Variants in NUMBL observed in about 807,000 individuals in gnomAD.
NUMBL encodes numb-like protein.
Under a neutral mutation model 48.9 loss-of-function variants are expected in NUMBL, and 20 were observed. The observed-to-expected ratio is 0.41, with a 90% CI of 0.29 to 0.59. NUMBL has a LOEUF of 0.59. NUMBL is among the 20% of genes least tolerant of loss of function. The pLI, the probability that NUMBL is intolerant of heterozygous loss-of-function variation, is 0.31. For synonymous variants in NUMBL, 340 were observed against 348.7 expected (o/e 0.98, Z 0.28); for missense variants, 660 against 846.2 (o/e 0.78, Z 2.73).
intron 8 of NUMBL, 71 bp from the exon 9 acceptor site, chr19:40,670,091 C>T (rs149436869): frequency 0.015 from 22,689 of 1,548,436 alleles, 189 homozygotes; most frequent in Middle Eastern, 0.022. Flanking sequence ...CTCTACCCCC[C>T]GCCCTCGGTG....
In NUMBL at chr19:40,684,530, G is replaced by T. The variant is rs774366858; in HGVS notation, c.136C>A (p.Arg46=). 3.7e-6 allele frequency: 6 copies of T among 1,609,820 alleles called. No individual in the cohort carries two copies. Among genetic ancestry groups the T allele is most frequent in the Non-Finnish European group, 5.1e-6 (6 of 1,178,004 alleles). ...PDGAGTMNKL[R]QSLRRRKPAY... Reference sequence around the variant, plus strand: ...GGCTTCCTCCGCCGCAGGCTCTGCCGTAACTTGTTCATGGTGCCCGCCCCG... The same window carrying T: ...GGCTTCCTCCGCCGCAGGCTCTGCCTTAACTTGTTCATGGTGCCCGCCCCG... The change falls in exon 3 of 10, where the codon CGG becomes AGG. Residue 46 remains arginine (R), a synonymous_variant. Transcript: ENST00000252891.
rs79278296 is a variant in NUMBL at position 40,678,710 on chromosome 19, G to A, written c.541-1289C>T. 6.6e-4 allele frequency among the ~76,000 whole-genome samples: 101 copies of A among 152,038 alleles called. No individual in the cohort carries two copies. In the East Asian group the frequency reaches 0.015, roughly 22 times the overall value. On this transcript the variant is annotated intron_variant, in intron 6 of 9. Coordinates refer to ENST00000252891, the MANE Select transcript of NUMBL (RefSeq NM_004756.5). Reference sequence around the variant, plus strand: ...CTGAACTAAGACAATCATATCTTTCGCTTTGAAGAAAAAAAAAATCTGGAA... The same window carrying A: ...CTGAACTAAGACAATCATATCTTTCACTTTGAAGAAAAAAAAAATCTGGAA...
At position 40,687,693 on chromosome 19, in the gene NUMBL, C is replaced by T. The variant is rs1315484755; in HGVS notation, c.25-698G>A. The stretch of plus-strand genomic sequence containing the variant: ...CTCAGGCACCCGCCCAAGATACTGA[C>T]GTCACAGGCCCACCCAGATAGAATC... On this transcript the variant is annotated intron_variant, in intron 1 of 9. Transcript: ENST00000252891. The surrounding 1 kb of genome is among the most constrained non-coding windows in gnomAD (Gnocchi z 4.6). Among the ~76,000 whole-genome samples the T allele has an allele frequency of 1.3e-5, 2 of 152,198 alleles. No individual in the cohort carries two copies. The highest frequency in any genetic ancestry group is 2.9e-5 in the Non-Finnish European group (2 of 68,026).
At chr19:40,683,404 C>T (rs927270957) in intron 3 of NUMBL, among the ~76,000 whole-genome samples, 3 of 152,210 alleles carry the variant, frequency 2.0e-5, no homozygotes, top group Admixed American at 6.5e-5. Context: ...ACTGTTGCCT[C>T]GAGTTTCCCA....
In NUMBL at chr19:40,688,894, A is replaced by C. The variant is rs1418223167; in HGVS notation, c.24+1566T>G. ...TAGATACAGTCATTTATATTAATAC[A>C]ACCTCAGTCACACACTCAGACATGG... On this transcript the variant is annotated intron_variant, in intron 1 of 9. Coordinates refer to ENST00000252891, the MANE Select transcript of NUMBL (RefSeq NM_004756.5). The surrounding 1 kb of genome is among the most constrained non-coding windows in gnomAD (Gnocchi z 4.6). Among the ~76,000 whole-genome samples, 1 of 152,214 alleles carries C rather than the reference A, an allele frequency of 6.6e-6. No individual in the cohort carries two copies. Among genetic ancestry groups the C allele is most frequent in the Non-Finnish European group, 1.5e-5 (1 of 68,028 alleles).
Position 40,678,857 on chromosome 19 carries a change from G to A in NUMBL, c.541-1436C>T, listed in dbSNP as rs539474158. 1.4e-4 allele frequency among the ~76,000 whole-genome samples: 22 copies of A among 152,282 alleles called. 1 individual carries two copies. The highest frequency in any genetic ancestry group is 6.8e-3 in the Middle Eastern group (2 of 294). ...CTCACACCTGTAATCCCAGGAGGCC[G>A]AGGCAGGCAAATCACTTGAGGCCAG... On this transcript the variant is annotated intron_variant, in intron 6 of 9. Transcript: ENST00000252891.
Position 40,682,926 on chromosome 19 carries a change from C to A in NUMBL, c.292G>T (p.Val98Leu). The change falls in exon 4 of 10, where the codon GTG becomes TTG. Residue 98 changes from valine to leucine, a missense_variant. Transcript: ENST00000252891. The surrounding 1 kb of genome is among the most constrained non-coding windows in gnomAD (Gnocchi z 4.0). ...AGCTTCTTCACCGCATCTTCACACA[C>A]GTGCATTCCCCGGGACTCCTCTACC... ...VEVEESRGMH[V>L]CEDAVKKLKA... 2.5e-6 allele frequency: 4 copies of A among 1,613,852 alleles called. No homozygotes were observed. Among genetic ancestry groups the A allele is most frequent in the Non-Finnish European group, 3.4e-6 (4 of 1,179,990 alleles).
rs550394668 is a variant in NUMBL, at chr19:40,686,704, T to A, written c.109+207A>T. Among the ~76,000 whole-genome samples the A allele has an allele frequency of 5.2e-3, 354 of 68,498 alleles. 2 individuals are homozygous for A. Among genetic ancestry groups the A allele is most frequent in the African/African-American group, 0.05 (334 of 6,704 alleles). 44.9% of individuals were successfully genotyped at this position (68,498 alleles called of 152,430 possible). ...AACCGTATATCTACAGATGTGAGTG[T>A]TTGTGACTCTGCACTTGAGGCTGTA... On this transcript the variant is annotated intron_variant, in intron 2 of 9. Coordinates refer to ENST00000252891, the MANE Select transcript of NUMBL (RefSeq NM_004756.5).
chr19:40,672,461 G>A (rs905653165), intron 8 of NUMBL, among the ~76,000 whole-genome samples: 15 of 152,116 alleles, frequency 9.9e-5, no homozygotes, highest in South Asian at 2.1e-4. Context: ...GCTCCTTTTC[G>A]TGATGGGTAC....
chr19:40,683,855 C>T (rs1001702131), intron 3 of NUMBL, among the ~76,000 whole-genome samples: 2 of 152,134 alleles, frequency 1.3e-5, no homozygotes, highest in African/African-American at 4.8e-5. Flanking sequence ...AGGCTCACTG[C>T]AGCCTCGACC....
In NUMBL at chr19:40,669,996, G is replaced by A. The variant is rs1599901618; in HGVS notation, c.1061C>T (p.Ala354Val). ...GTVPEMEPPG[A>V]GDSDSINALC... ...AGCGTTGATGCTGTCACTGTCGCCGGCACCAGGAGGCTCCATCTCAGGCAC... is the reference window on the plus strand; with the variant it reads ...AGCGTTGATGCTGTCACTGTCGCCGACACCAGGAGGCTCCATCTCAGGCAC... The change falls in exon 9 of 10, where the codon GCC becomes GTC. Residue 354 changes from alanine to valine, a missense_variant. This residue lies in a region of NUMBL where 296 missense variants were observed against 339.7 expected (regional missense o/e 0.87). Coordinates refer to ENST00000252891, the MANE Select transcript of NUMBL (RefSeq NM_004756.5). The A allele has an allele frequency of 6.2e-7, 1 of 1,613,804 alleles. No homozygotes were observed. Among genetic ancestry groups the A allele is most frequent in the South Asian group, 1.1e-5 (1 of 91,040 alleles).
intron 5 of NUMBL, among the ~76,000 whole-genome samples, chr19:40,681,424 T>C (rs2081904686): frequency 1.3e-5 from 2 of 152,088 alleles, no homozygotes; most frequent in Admixed American, 6.5e-5. Flanking sequence ...AGGAACAGTA[T>C]TTTGGGCTGA....
In NUMBL at chr19:40,666,889, A is replaced by G. The variant is rs1407973312; in HGVS notation, c.*579T>C. 1 of 153,366 alleles carries G rather than the reference A, an allele frequency of 6.5e-6. No individual in the cohort carries two copies. Among genetic ancestry groups the G allele is most frequent in the African/African-American group, 2.4e-5 (1 of 41,374 alleles). The allele number at this position is 153,366 out of a possible 1,614,324, so 9.5% of individuals were successfully genotyped here. A position where few individuals can be genotyped will look rare whatever the true frequency, so the allele number is the denominator to read the frequency against. On this transcript the variant is annotated 3_prime_UTR_variant, in exon 10 of 10. Transcript: ENST00000252891. ...CTCCCTCCCCGCCTCCTGGGCCCCC[A>G]ACTTGGCCCTAGCCCCCATGAGACC...
chr19:40,668,935 A>G (rs1298894251), intron 9 of NUMBL, among the ~76,000 whole-genome samples: 1 of 152,192 alleles, frequency 6.6e-6, no homozygotes, highest in Non-Finnish European at 1.5e-5. Context: ...TTCTACATTT[A>G]CAGTGTTTGA....
rs1231413092 is a variant in NUMBL, at chr19:40,687,602, G to GCCACATAC, written c.25-608_25-607insGTATGTGG. Among the ~76,000 whole-genome samples, 2 of 152,064 alleles carry GCCACATAC rather than the reference G, an allele frequency of 1.3e-5. No homozygotes were observed. Among genetic ancestry groups the GCCACATAC allele is most frequent in the East Asian group, 3.9e-4 (2 of 5,174 alleles). On this transcript the variant is annotated intron_variant, in intron 1 of 9. Transcript: ENST00000252891. This position sits in a 1 kb window ranked among gnomAD's most constrained non-coding sequence, Gnocchi z 4.6. ...TTCCACATTCTCAGCCACATACAAA[G>GCCACATAC]AACGGGGCCCAGACAACCCACTAGA... is the stretch of plus-strand genomic sequence containing the variant.
intron 8 of NUMBL, among the ~76,000 whole-genome samples, chr19:40,670,561 G>C (rs74495906): frequency 1.3e-5 from 2 of 151,894 alleles, no homozygotes; most frequent in African/African-American, 2.4e-5. Flanking sequence ...CTTGTGATGA[G>C]CAAAGGTACC....
Position 40,667,616 on chromosome 19 carries a change from G to T in NUMBL, c.1682C>A (p.Pro561His). The T allele has an allele frequency of 6.4e-7, 1 of 1,555,044 alleles. No individual in the cohort carries two copies. Among genetic ancestry groups the T allele is most frequent in the Non-Finnish European group, 8.7e-7 (1 of 1,149,434 alleles). ...SQARPRPNGA[P>H]WPPEPAPAPA... is the part of the protein sequence containing the mutation. ...GGCAGGCGCTGGCTCAGGGGGCCAG[G>T]GGGCCCCATTGGGGCGAGGGCGGGC... Residue 561 changes from proline to histidine, a missense_variant, in exon 10 of 10, where the codon CCC (proline) becomes CAC (histidine). Physicochemically the swap from Pro to His is moderately conservative, Grantham distance 77. This residue lies in a region of NUMBL where 296 missense variants were observed against 339.7 expected (regional missense o/e 0.87). Coordinates refer to ENST00000252891, the MANE Select transcript of NUMBL (RefSeq NM_004756.5). The surrounding 1 kb of genome is among the most constrained non-coding windows in gnomAD (Gnocchi z 6.1).
In NUMBL at chr19:40,673,368, T is replaced by C; in HGVS notation, c.1012A>G (p.Thr338Ala). 6.2e-7 allele frequency: 1 copy of C among 1,613,714 alleles called. No homozygotes were observed. The highest frequency in any genetic ancestry group is 8.5e-7 in the Non-Finnish European group (1 of 1,179,764). The part of the protein sequence containing the change: ...NELPSTLQRR[T>A]DFQVKGTVPE... Reference sequence around the variant, plus strand: ...CCTGTGCCCTTCACCTGGAAGTCAGTGCGGCGCTGCAGCGTGGATGGCAGC... The same window carrying C: ...CCTGTGCCCTTCACCTGGAAGTCAGCGCGGCGCTGCAGCGTGGATGGCAGC... Residue 338 changes from threonine to alanine, a missense_variant, in exon 8 of 10, where the codon ACT becomes GCT. Around this residue, in one of 3 missense-constraint regions of NUMBL, gnomAD observed 278 missense variants for 420.6 expected, o/e 0.66. Transcript: ENST00000252891. This position sits in a 1 kb window ranked among gnomAD's most constrained non-coding sequence, Gnocchi z 5.9.
rs1448977922 is a variant in NUMBL at position 40,677,353 on chromosome 19, C to T, written c.609G>A (p.Glu203=). 3 of 1,612,242 alleles carry T rather than the reference C, an allele frequency of 1.9e-6. No individual in the cohort carries two copies. The highest frequency in any genetic ancestry group is 2.5e-6 in the Non-Finnish European group (3 of 1,179,956). The part of the protein sequence containing the change: ...AACLERKQRR[E]KECGVTAAFD... ...AGGCGGCCGTGACCCCACATTCCTT[C>T]TCCCGTCGCTGTTTTCGCTCCAGGC... The change falls in exon 7 of 10, where the codon GAG becomes GAA. Residue 203 remains glutamate (E), a synonymous_variant. Transcript: ENST00000252891.
Sources: allele counts gnomAD v4.1 joint callset (sites outside exome capture counted in the v4.1 genomes callset), GRCh38; gene constraint gnomAD v4.1.1; regional missense constraint gnomAD v4.1.1; non-coding constraint Gnocchi (gnomAD v3.1); transcripts MANE v1.5; gene names NCBI Gene and HGNC (gene_info 2026-07-23, HGNC 2026-07-21).